Variants in KIF24 observed in about 807,000 individuals in gnomAD.
The protein encoded by KIF24 is kinesin family member 24, also known as kinesin-like protein KIF24.
Under a neutral mutation model 118.9 loss-of-function variants are expected in KIF24, and 81 were observed. That is an observed-to-expected ratio of 0.68 (90% CI 0.57 to 0.82). KIF24 has a LOEUF of 0.82. KIF24 is among the 40% of genes least tolerant of loss of function. The pLI is 0.00. For synonymous variants in KIF24, 599 were observed against 610.0 expected, an observed-to-expected ratio of 0.98 and a Z score of 0.27; for missense variants, 1,560 against 1,661.6, an observed-to-expected ratio of 0.94 and a Z score of 1.06.
chr9:34,260,798 C>T (rs1835026252), intron 9 of KIF24, among the ~76,000 whole-genome samples: 1 of 152,030 alleles, frequency 6.6e-6, no homozygotes, highest in Non-Finnish European at 1.5e-5. Flanking sequence ...TGGCGAAACC[C>T]CGTCTCTACT....
At chr9:34,280,581 G>C (rs1835817467) in intron 6 of KIF24, among the ~76,000 whole-genome samples, 1 of 152,116 alleles carries the variant, frequency 6.6e-6, no homozygotes, top group Admixed American at 6.5e-5. Context: ...CACAGCAGAG[G>C]AAGCTCTGGG....
At position 34,259,533 on chromosome 9, in the gene KIF24, G is replaced by A. The variant is rs547567057; in HGVS notation, c.1625+63C>T. ...CACGCGTGCACACATGCTCACACAC[G>A]CGTGCTGCACAGACATGCACATGCA... On this transcript the variant is annotated intron_variant, in intron 10 of 12. Transcript: ENST00000402558. The A allele has an allele frequency of 3.7e-4, 445 of 1,218,794 alleles. 2 individuals are homozygous for A. In the African/African-American group the frequency reaches 4.9e-3, roughly 13 times the overall value. 75.5% of individuals were successfully genotyped at this position (1,218,794 alleles called of 1,614,324 possible).
At chr9:34,267,396 T>C (rs1486480601) in intron 8 of KIF24, among the ~76,000 whole-genome samples, 1 of 152,194 alleles carries the variant, frequency 6.6e-6, no homozygotes, top group Admixed American at 6.5e-5. Flanking sequence ...AGACATTCTC[T>C]ATCTCCTAAT....
rs765752395 is a variant in KIF24 at position 34,311,105 on chromosome 9, CT to C, written c.241del (p.Ser81AlafsTer10). ...TTCCTGAGATTTGATGCGCAGGCTG[CT>C]TGTCTGAAGATGACGCTCTGGGATA... ...VSIPERHLQT[S>X]SLRIKSQELR... On this transcript the variant is annotated frameshift_variant, in exon 2 of 13. Coordinates refer to ENST00000402558, the MANE Select transcript of KIF24 (RefSeq NM_194313.4). LOFTEE classifies it high-confidence loss of function. The C allele has an allele frequency of 1.9e-6, 3 of 1,613,710 alleles. No homozygotes were observed. The highest frequency in any genetic ancestry group is 2.2e-5 in the South Asian group (2 of 91,050).
rs1837388285 is a variant in KIF24 at position 34,318,192 on chromosome 9, C to T, written c.-25-6821G>A. Among the ~76,000 whole-genome samples, 1 of 145,806 alleles carries T rather than the reference C, an allele frequency of 6.9e-6. No individual in the cohort carries two copies. The highest frequency in any genetic ancestry group is 7.1e-5 in the Admixed American group (1 of 14,176). ...CCTGGGCAACATAGTGAGACCCCGCCCCTAAAAAAAAGACATGAATAATGA... is the reference window on the plus strand; with the variant it reads ...CCTGGGCAACATAGTGAGACCCCGCTCCTAAAAAAAAGACATGAATAATGA... On this transcript the variant is annotated intron_variant, in intron 1 of 12. Coordinates refer to ENST00000402558, the MANE Select transcript of KIF24 (RefSeq NM_194313.4). This position sits in a 1 kb window ranked among gnomAD's most constrained non-coding sequence, Gnocchi z 4.9.
intron 5 of KIF24, 135 bp downstream of exon 5, chr9:34,290,039 T>C: frequency 1.7e-6 from 1 of 573,108 alleles, no homozygotes; most frequent in Admixed American, 3.0e-5. Context: ...ATGTATCTGA[T>C]GCAGGAGCCT....
Position 34,256,719 on chromosome 9 carries a change from T to A in KIF24, c.2888A>T (p.Asp963Val), listed in dbSNP as rs747422402. Residue 963 changes from aspartate to valine, a missense_variant, in exon 11 of 13, where the codon GAT becomes GTT. Physicochemically the swap from Asp to Val is radical, Grantham distance 152 (BLOSUM62 -3). This residue lies in a region of KIF24 where 591 missense variants were observed against 655.6 expected (regional missense o/e 0.90). Coordinates refer to ENST00000402558, the MANE Select transcript of KIF24 (RefSeq NM_194313.4). Reference sequence around the variant, plus strand: ...CCCAGAAACCTCACTTTGGGAGGCATCCTTTCTGAGATCAAAGGAAGAGCC... The same window carrying A: ...CCCAGAAACCTCACTTTGGGAGGCAACCTTTCTGAGATCAAAGGAAGAGCC... ...GGGSSFDLRK[D>V]ASQSEVSGEN... is the part of the protein sequence containing the mutation. 84 of 1,613,872 alleles carry A rather than the reference T, an allele frequency of 5.2e-5. No individual in the cohort carries two copies. The highest frequency in any genetic ancestry group is 6.9e-5 in the Non-Finnish European group (81 of 1,179,894).
chr9:34,259,324 T>G (rs2131670252), intron 10 of KIF24, among the ~76,000 whole-genome samples: 1 of 152,358 alleles, frequency 6.6e-6, no homozygotes, highest in South Asian at 2.1e-4. Flanking sequence ...TAAAAGCCAC[T>G]GACAGAATTA....
At position 34,271,304 on chromosome 9, in the gene KIF24, CT is replaced by C. The variant is rs1300202507; in HGVS notation, c.1337+504del. On this transcript the variant is annotated intron_variant, in intron 7 of 12. Transcript: ENST00000402558. ...AACCACTTAGGTAATTACATAGAAA[CT>C]TTTGCGGACAGCAATCCAGCAAAAA... 1.0e-4 allele frequency among the ~76,000 whole-genome samples: 14 copies of C among 138,412 alleles called. No individual in the cohort carries two copies. The South Asian group carries it at 1.6e-3, about 16-fold the overall frequency. 90.8% of individuals were successfully genotyped at this position (138,412 alleles called of 152,430 possible).
Position 34,290,481 on chromosome 9 carries a change from T to C in KIF24, c.912-92A>G, listed in dbSNP as rs555830374. The stretch of plus-strand genomic sequence containing the variant: ...TAATGACAAAGGTCAAATGTAAACA[T>C]AGAATCTTAGAGAAAATTCAGCTAT... On this transcript the variant is annotated intron_variant, in intron 4 of 12. Coordinates refer to ENST00000402558, the MANE Select transcript of KIF24 (RefSeq NM_194313.4). The C allele has an allele frequency of 2.5e-4, 183 of 741,440 alleles. 1 individual carries two copies. The African/African-American group carries it at 2.8e-3, about 11-fold the overall frequency. The allele number at this position is 741,440 out of a possible 1,614,324, so 45.9% of individuals were successfully genotyped here. A position where few individuals can be genotyped will look rare whatever the true frequency, so the allele number is the denominator to read the frequency against.
chr9:34,309,684 TCTC>T (rs1837064830), intron 2 of KIF24, among the ~76,000 whole-genome samples: 1 of 152,116 alleles, frequency 6.6e-6, no homozygotes, highest in South Asian at 2.1e-4. Context: ...TGCTCTGTGA[TCTC>T]CTAGACCAAA....
chr9:34,270,887 G>A (rs945590568), intron 7 of KIF24, among the ~76,000 whole-genome samples: 1 of 150,430 alleles, frequency 6.6e-6, no homozygotes, highest in South Asian at 2.1e-4. Flanking sequence ...AGATCAATGG[G>A]GTGACAGATG....
intron 5 of KIF24, among the ~76,000 whole-genome samples, chr9:34,287,192 CAG>C (rs765415593): frequency 1.2e-4 from 19 of 152,264 alleles, no homozygotes; most frequent in African/African-American, 3.4e-4. Context: ...ACACAGAAGA[CAG>C]AATGAAGAGA....
chr9:34,330,733 G>A (rs929422003), upstream of KIF24, among the ~76,000 whole-genome samples: 2 of 151,994 alleles, frequency 1.3e-5, no homozygotes, highest in Admixed American at 6.5e-5. Flanking sequence ...AGGCCGAGGC[G>A]GGCGGATCAC....
intron 1 of KIF24, among the ~76,000 whole-genome samples, chr9:34,326,010 AG>A (rs1410263985): frequency 1.3e-5 from 2 of 152,182 alleles, no homozygotes; most frequent in Non-Finnish European, 2.9e-5. Context: ...ATTTTTTGAG[AG>A]ACTTGTATGA....
upstream of KIF24, among the ~76,000 whole-genome samples, chr9:34,330,043 T>C (rs1297492524): frequency 6.6e-6 from 1 of 152,242 alleles, no homozygotes; most frequent in Non-Finnish European, 1.5e-5. Context: ...GTGGCAGTTA[T>C]AGCAGAAGTA....
At chr9:34,301,686 A>G (rs1836710793) in intron 3 of KIF24, among the ~76,000 whole-genome samples, 1 of 151,870 alleles carries the variant, frequency 6.6e-6, no homozygotes, top group Non-Finnish European at 1.5e-5. Context: ...AAATACAAAA[A>G]TTAGCCTGGC....
rs1176300567 is a variant in KIF24, at chr9:34,323,845, C to G, written c.-26+5261G>C. On this transcript the variant is annotated intron_variant, in intron 1 of 12. Coordinates refer to ENST00000402558, the MANE Select transcript of KIF24 (RefSeq NM_194313.4). ...GTGCTACCTGAATAATCTTCCAAGA[C>G]TTTTTGTGATAGATGGCAATTAGTA... Among the ~76,000 whole-genome samples the G allele has an allele frequency of 3.9e-5, 6 of 152,130 alleles. No homozygotes were observed. The East Asian group carries it at 5.8e-4, about 15-fold the overall frequency.
chr9:34,305,080 T>C, intron 3 of KIF24, among the ~76,000 whole-genome samples: 1 of 152,158 alleles, frequency 6.6e-6, no homozygotes, highest in East Asian at 1.9e-4. Flanking sequence ...ATTTTAGGAG[T>C]ACCTAAATGA....
Sources: gnomAD v4.1 joint callset for allele counts (sites outside exome capture counted in the v4.1 genomes callset) on GRCh38, gnomAD v4.1.1 for gene constraint, gnomAD v4.1.1 regional missense constraint, Gnocchi (gnomAD v3.1) non-coding constraint, MANE v1.5 for transcripts, NCBI Gene and HGNC (gene_info 2026-07-23, HGNC 2026-07-21) for gene names.